The following SBF2 variants were observed in gnomAD, a reference collection of about 807,000 sequenced individuals.
The protein encoded by SBF2 is myotubularin-related protein 13.
In SBF2, 112 loss-of-function variants were observed where a neutral mutation model predicts 225.2. The ratio of observed to expected loss-of-function variants is 0.50; its 90% CI spans 0.43 to 0.58. The LOEUF (loss-of-function observed/expected upper bound fraction) is 0.58. Among genes scored for constraint, SBF2 ranks in the 20% least tolerant of loss-of-function variants. The pLI, the probability that SBF2 is intolerant of heterozygous loss-of-function variation, is 0.00. For missense variants in SBF2, 1,996 were observed against 2,206.2 expected (o/e 0.90, Z 1.91); for synonymous variants, 763 against 773.3 (o/e 0.99, Z 0.22).
At chr11:9,969,534 G>C (rs1460738916) in intron 13 of SBF2, among the ~76,000 whole-genome samples, 2 of 151,914 alleles carry the variant, frequency 1.3e-5, no homozygotes, top group African/African-American at 2.4e-5. Flanking sequence ...TTCTGCTCTA[G>C]ACACACAGAA....
chr11:9,829,311 C>T (rs1855242313), intron 28 of SBF2, 45 bp downstream of exon 28: 17 of 1,599,692 alleles, frequency 1.1e-5, no homozygotes, highest in Non-Finnish European at 1.4e-5. Flanking sequence ...CAGAACTGAC[C>T]TTTCATTAGA....
chr11:9,852,551 TATC>T, intron 21 of SBF2, 122 bp downstream of exon 21: 1 of 757,582 alleles, frequency 1.3e-6, no homozygotes, highest in Non-Finnish European at 2.4e-6. Context: ...CAGTTTAACA[TATC>T]ATTAAAACTG....
intron 1 of SBF2, among the ~76,000 whole-genome samples, chr11:10,200,088 T>A (rs1292785329): frequency 6.6e-6 from 1 of 152,114 alleles, no homozygotes; most frequent in East Asian, 1.9e-4. Flanking sequence ...GCGTTTTGAT[T>A]GTGACCTATC....
intron 1 of SBF2, among the ~76,000 whole-genome samples, chr11:10,255,449 A>G (rs1416490317): frequency 6.6e-6 from 1 of 152,214 alleles, no homozygotes; most frequent in Non-Finnish European, 1.5e-5. Flanking sequence ...TAAATATTTG[A>G]AATATAAATA....
At position 9,856,454 on chromosome 11, in the gene SBF2, G is replaced by C; in HGVS notation, c.2363+4C>G. ...GGAGGGTCTGTGTGTTCACATTTTG[G>C]TACCTGTTTGTGACAATGCTGTTGC... On this transcript the variant is annotated splice_donor_region_variant and intron_variant, in intron 19 of 39. Coordinates refer to ENST00000256190, the MANE Select transcript of SBF2 (RefSeq NM_030962.4). 6.2e-7 allele frequency: 1 copy of C among 1,613,598 alleles called. No individual in the cohort carries two copies.
At chr11:9,808,239 T>C in intron 31 of SBF2, 54 bp from the exon 32 acceptor site, 1 of 1,480,804 alleles carries the variant, frequency 6.8e-7, no homozygotes, top group Non-Finnish European at 9.3e-7. Context: ...AAAAGGCCTA[T>C]TACTAAGATA....
intron 6 of SBF2, among the ~76,000 whole-genome samples, chr11:10,020,754 A>G (rs1001110786): frequency 5.9e-5 from 9 of 152,164 alleles, no homozygotes; most frequent in Non-Finnish European, 1.5e-5. Flanking sequence ...AGGGAAAGAC[A>G]AAAGTGAGAC....
chr11:10,141,286 G>C (rs1053631545), intron 2 of SBF2, among the ~76,000 whole-genome samples: 5 of 152,166 alleles, frequency 3.3e-5, no homozygotes, highest in African/African-American at 9.6e-5. Context: ...CCAGCTGAAT[G>C]TAAACTGTGC....
intron 2 of SBF2, among the ~76,000 whole-genome samples, chr11:10,097,440 T>C (rs547220376): frequency 6.6e-6 from 1 of 152,286 alleles, no homozygotes; most frequent in Non-Finnish European, 1.5e-5. Context: ...AGTGAAACAG[T>C]ATTACTTTCC....
At chr11:9,816,130 T>A (rs1854444224) in intron 29 of SBF2, among the ~76,000 whole-genome samples, 1 of 152,222 alleles carries the variant, frequency 6.6e-6, no homozygotes, top group Non-Finnish European at 1.5e-5. Context: ...GTAATGAAAT[T>A]TATTTTGTAA....
At chr11:10,281,887 G>A (rs957021684) in intron 1 of SBF2, among the ~76,000 whole-genome samples, 3 of 152,052 alleles carry the variant, frequency 2.0e-5, no homozygotes, top group African/African-American at 7.2e-5. Context: ...AGTACCCCCA[G>A]ACCTCCAGGT....
chr11:9,891,687 T>C (rs1480194695), intron 17 of SBF2, among the ~76,000 whole-genome samples: 1 of 152,248 alleles, frequency 6.6e-6, no homozygotes, highest in Admixed American at 6.5e-5. Flanking sequence ...AGGTACCACC[T>C]TCAAAGAAGG....
intron 2 of SBF2, among the ~76,000 whole-genome samples, chr11:10,149,961 C>T (rs1002457561): frequency 3.3e-5 from 5 of 152,038 alleles, no homozygotes; most frequent in Admixed American, 2.0e-4. Context: ...TAGTTCTAAA[C>T]GTCATGCTCA....
At chr11:10,177,278 G>A (rs936079936) in intron 2 of SBF2, among the ~76,000 whole-genome samples, 1 of 149,930 alleles carries the variant, frequency 6.7e-6, no homozygotes, top group Non-Finnish European at 1.5e-5. Flanking sequence ...TTGAAAACAG[G>A]CACAAGACAG....
intron 17 of SBF2, among the ~76,000 whole-genome samples, chr11:9,888,737 A>C (rs1391927316): frequency 3.3e-5 from 5 of 152,200 alleles, no homozygotes; most frequent in African/African-American, 1.2e-4. Context: ...GGTATGCTTC[A>C]TAAATTGGAA....
chr11:10,097,577 G>A (rs1226082329), intron 2 of SBF2, among the ~76,000 whole-genome samples: 1 of 152,106 alleles, frequency 6.6e-6, no homozygotes, highest in African/African-American at 2.4e-5. Context: ...GCATCAAGAT[G>A]TAGAAATAGG....
chr11:9,829,218 T>C (rs1855235445), intron 28 of SBF2, 138 bp downstream of exon 28: 3 of 936,458 alleles, frequency 3.2e-6, no homozygotes, highest in East Asian at 2.4e-5. Flanking sequence ...GTTAAACTTA[T>C]AACCCTTCAG....
intron 17 of SBF2, among the ~76,000 whole-genome samples, chr11:9,887,386 T>A (rs913500236): frequency 6.6e-6 from 1 of 152,124 alleles, no homozygotes; most frequent in Admixed American, 6.6e-5. Context: ...ACATTAGTTC[T>A]AAACTAATTA....
intron 1 of SBF2, among the ~76,000 whole-genome samples, chr11:10,206,757 G>A (rs949401358): frequency 6.6e-6 from 1 of 152,012 alleles, no homozygotes; most frequent in African/African-American, 2.4e-5. Flanking sequence ...TAGAATCAGT[G>A]AACTTGAGGT....
Sources: allele counts gnomAD v4.1 joint callset (sites outside exome capture counted in the v4.1 genomes callset), GRCh38; gene constraint gnomAD v4.1.1; transcripts MANE v1.5; gene names NCBI Gene and HGNC (gene_info 2026-07-23, HGNC 2026-07-21).